The following CLASRP variants were observed in gnomAD, a reference collection of about 807,000 sequenced individuals.
CLASRP encodes CLK4-associating serine/arginine rich protein.
In CLASRP, 52 loss-of-function variants were observed where a neutral mutation model predicts 99.9. That is an observed-to-expected ratio of 0.52 (90% CI 0.42 to 0.66). The LOEUF (loss-of-function observed/expected upper bound fraction) is 0.66, where lower values mean the gene tolerates loss of function less well. Among genes scored for constraint, CLASRP ranks in the 30% least tolerant of loss-of-function variants. The pLI, the probability that CLASRP is intolerant of heterozygous loss-of-function variation, is 0.00. For synonymous variants in CLASRP, 379 were observed against 373.0 expected (o/e 1.02, Z -0.18); for missense variants, 848 against 999.2 (o/e 0.85, Z 2.04).
intron 5 of CLASRP, among the ~76,000 whole-genome samples, chr19:45,054,790 G>T (rs967895119): frequency 1.3e-5 from 2 of 152,164 alleles, no homozygotes; most frequent in Non-Finnish European, 2.9e-5. Flanking sequence ...AAGGGTGGTG[G>T]TGTTGATTTT....
At chr19:45,054,244 G>A (rs1972079805) in intron 5 of CLASRP, among the ~76,000 whole-genome samples, 1 of 151,978 alleles carries the variant, frequency 6.6e-6, no homozygotes, top group South Asian at 2.1e-4. Context: ...GTGACACCCC[G>A]TTTTGGGGTT....
Position 45,070,889 on chromosome 19 carries a change from G to T in CLASRP, c.*44G>T, listed in dbSNP as rs368527544. The T allele has an allele frequency of 9.5e-6, 11 of 1,158,900 alleles. No individual in the cohort carries two copies. The African/African-American group carries it at 1.7e-4, about 18-fold the overall frequency. The allele number at this position is 1,158,900 out of a possible 1,614,324, so 71.8% of individuals were successfully genotyped here. On this transcript the variant is annotated 3_prime_UTR_variant, in exon 21 of 21. Transcript: ENST00000221455. ...GGGAGGACAAGGGGGTGGGTAAGGG[G>T]CTCAAGCTGTGATGCTGCTGGTTTT...
rs865988597 is a variant in CLASRP at position 45,060,587 on chromosome 19, C to T, written c.823C>T (p.Arg275Trp). ...CTCTCGACGCCAGCGGAGAGAGTTT[C>T]GGGAGAAGCGGCTGAGGGGTCGCAA... ...RRSRRQRREF[R>W]EKRLRGRKIS... Residue 275 changes from arginine to tryptophan, a missense_variant, in exon 10 of 21, where the codon CGG becomes TGG. By Grantham distance (101) the Arg-to-Trp change is moderately radical. Around this residue, in one of 8 missense-constraint regions of CLASRP, gnomAD observed 9 missense variants for 28.5 expected, o/e 0.32. Transcript: ENST00000221455. This position sits in a 1 kb window ranked among gnomAD's most constrained non-coding sequence, Gnocchi z 4.6. 1 of 1,611,466 alleles carries T rather than the reference C, an allele frequency of 6.2e-7. No homozygotes were observed. The highest frequency in any genetic ancestry group is 8.5e-7 in the Non-Finnish European group (1 of 1,179,278).
chr19:45,058,013 C>A, intron 7 of CLASRP, 115 bp downstream of exon 7: 2 of 1,369,016 alleles, frequency 1.5e-6, no homozygotes, highest in East Asian at 2.5e-5. Flanking sequence ...TCTCCCTACC[C>A]CGCCCCAGGG....
At position 45,053,136 on chromosome 19, in the gene CLASRP, A is replaced by G; in HGVS notation, c.338A>G (p.Tyr113Cys). The change falls in exon 5 of 21, where the codon TAC (tyrosine) becomes TGC (cysteine). Residue 113 changes from tyrosine to cysteine, a missense_variant. Tyr to Cys is a radical substitution (Grantham distance 194). This residue lies in a region of CLASRP where 54 missense variants were observed against 38.7 expected (regional missense o/e 1.39). Transcript: ENST00000221455. ...GAGTCGGACGAACGGAAGTGTAACT[A>G]CGAGCGCTACAGAGGCCTGGTGCAG... is the stretch of plus-strand genomic sequence containing the variant. ...EQESDERKCN[Y>C]ERYRGLVQND... is the part of the protein sequence containing the mutation. The G allele has an allele frequency of 6.2e-7, 1 of 1,613,878 alleles. No individual in the cohort carries two copies. The highest frequency in any genetic ancestry group is 8.5e-7 in the Non-Finnish European group (1 of 1,179,972).
In CLASRP at chr19:45,067,604, G is replaced by T; in HGVS notation, c.1667+10G>T. 1 of 1,585,836 alleles carries T rather than the reference G, an allele frequency of 6.3e-7. No individual in the cohort carries two copies. ...GCGAGAAGCTGAAAAAGTGAGCGGG[G>T]CGGGTCTGGAGGAAGAGGGCTGCCA... is the stretch of plus-strand genomic sequence containing the variant. On this transcript the variant is annotated intron_variant, in intron 14 of 20. Coordinates refer to ENST00000221455, the MANE Select transcript of CLASRP (RefSeq NM_007056.3). The surrounding 1 kb of genome is among the most constrained non-coding windows in gnomAD (Gnocchi z 4.9).
At chr19:45,069,379 C>G (rs549229784) in intron 18 of CLASRP, 131 bp downstream of exon 18, 2 of 910,744 alleles carry the variant, frequency 2.2e-6, no homozygotes, top group Non-Finnish European at 3.4e-6. Flanking sequence ...CTGCCTGGCC[C>G]TCGGGGCTGT....
chr19:45,064,619 G>T lies in CLASRP; in HGVS notation c.1398G>T (p.Arg466=). ...CCCGGCGTGGTGGTTACGGGCCCCG[G>T]CGCAGAAGCAGGTGTGTGTGGCTGG... The part of the protein sequence containing the change: ...SPARRGGYGP[R]RRSRSRSHSG... Residue 466 remains arginine, a synonymous_variant, in exon 13 of 21, where the codon CGG becomes CGT. Coordinates refer to ENST00000221455, the MANE Select transcript of CLASRP (RefSeq NM_007056.3). The T allele has an allele frequency of 6.4e-7, 1 of 1,551,980 alleles. No individual in the cohort carries two copies.
intron 2 of CLASRP, among the ~76,000 whole-genome samples, chr19:45,050,249 GGAGGCAGAGCCCAGCC>G: frequency 6.6e-5 from 10 of 152,094 alleles, no homozygotes; most frequent in Admixed American, 1.3e-4. Flanking sequence ...CAAATCTCCT[GGAGGCAGAGCCCAGCC>G]TGGACCAGAC....
rs749816619 is a variant in CLASRP, at chr19:45,057,706, TCTC to T, written c.465-42_465-40del. The T allele has an allele frequency of 3.7e-6, 6 of 1,609,532 alleles. No homozygotes were observed. In the African/African-American group the frequency reaches 8.0e-5, roughly 21 times the overall value. On this transcript the variant is annotated intron_variant, in intron 6 of 20. Coordinates refer to ENST00000221455, the MANE Select transcript of CLASRP (RefSeq NM_007056.3). The stretch of plus-strand genomic sequence containing the variant: ...GTGTGGGGCTAGCCTGGGGCCCTCA[TCTC>T]CACTGGGCACGGCCCTGGCTTACCA...
chr19:45,060,741 C>T lies in CLASRP; in HGVS notation c.863+114C>T. ...CATTTGACTTGAGAAAGGAGTCTTT[C>T]TAGTGGGGCGATGCATGGCCATCGT... is the stretch of plus-strand genomic sequence containing the variant. On this transcript the variant is annotated intron_variant, in intron 10 of 20. Coordinates refer to ENST00000221455, the MANE Select transcript of CLASRP (RefSeq NM_007056.3). This position sits in a 1 kb window ranked among gnomAD's most constrained non-coding sequence, Gnocchi z 4.6. The T allele has an allele frequency of 2.4e-6, 2 of 823,390 alleles. No individual in the cohort carries two copies. The highest frequency in any genetic ancestry group is 5.7e-5 in the Admixed American group (2 of 34,938). 51.0% of individuals were successfully genotyped at this position (823,390 alleles called of 1,614,324 possible). A position where few individuals can be genotyped will look rare whatever the true frequency, so the allele number is the denominator to read the frequency against.
intron 11 of CLASRP, 140 bp from the exon 12 acceptor site, chr19:45,063,872 G>T: frequency 8.6e-7 from 1 of 1,164,856 alleles, no homozygotes; most frequent in Non-Finnish European, 1.2e-6. Context: ...GGTCTCCACT[G>T]CCCTCCAGGC....
Position 45,046,060 on chromosome 19 carries a change from G to A in CLASRP, c.99+5749G>A, listed in dbSNP as rs184075934. On this transcript the variant is annotated intron_variant, in intron 2 of 20. Transcript: ENST00000221455. ...CTTTGTGGTGCAGGCCTGTACAAGC[G>A]GCCTTTGTCCCTGTATGTGAACGTG... 9.1e-4 allele frequency among the ~76,000 whole-genome samples: 138 copies of A among 152,260 alleles called. 1 individual carries two copies. The highest frequency in any genetic ancestry group is 3.2e-3 in the African/African-American group (134 of 41,554).
At chr19:45,041,313 T>G (rs1347078744) in intron 2 of CLASRP, among the ~76,000 whole-genome samples, 1 of 151,964 alleles carries the variant, frequency 6.6e-6, no homozygotes, top group Non-Finnish European at 1.5e-5. Context: ...GTCTGATGCT[T>G]CAGTTGTTTT....
At chr19:45,042,897 G>A (rs1377837188) in intron 2 of CLASRP, among the ~76,000 whole-genome samples, 3 of 152,092 alleles carry the variant, frequency 2.0e-5, no homozygotes, top group East Asian at 1.9e-4. Context: ...GATTACAGGC[G>A]TGAGCCACCA....
intron 16 of CLASRP, 23 bp from the exon 17 acceptor site, chr19:45,069,043 C>G (rs1422627867): frequency 9.3e-6 from 15 of 1,611,832 alleles, no homozygotes; most frequent in African/African-American, 1.3e-5. Flanking sequence ...ACCCCTCAGC[C>G]ACCCTGTTCT....
chr19:45,066,231 C>CG (rs2122605682), intron 13 of CLASRP, among the ~76,000 whole-genome samples: 1 of 151,976 alleles, frequency 6.6e-6, no homozygotes, highest in East Asian at 2.0e-4. Flanking sequence ...GTGATTCTCC[C>CG]GCCGCAGCCT....
Position 45,067,964 on chromosome 19 carries a change from A to C in CLASRP, c.1668-51A>C. On this transcript the variant is annotated intron_variant, in intron 14 of 20. Coordinates refer to ENST00000221455, the MANE Select transcript of CLASRP (RefSeq NM_007056.3). The surrounding 1 kb of genome is among the most constrained non-coding windows in gnomAD (Gnocchi z 4.9). ...TGCTGAGGCTGGGGTCAGAGGTGGC[A>C]GCTGCCCTTTCCCCCTCCCAACCAT... 7.3e-7 allele frequency: 1 copy of C among 1,372,082 alleles called. No individual in the cohort carries two copies. Among genetic ancestry groups the C allele is most frequent in the African/African-American group, 1.4e-5 (1 of 70,394 alleles). The allele number at this position is 1,372,082 out of a possible 1,614,324, so 85.0% of individuals were successfully genotyped here. A position where few individuals can be genotyped will look rare whatever the true frequency, so the allele number is the denominator to read the frequency against.
chr19:45,051,930 T>G, intron 2 of CLASRP, 141 bp from the exon 3 acceptor site: 1 of 639,636 alleles, frequency 1.6e-6, no homozygotes, highest in East Asian at 2.7e-5. Context: ...ACAGCACCAT[T>G]GCACTCCAGC....
Sources: gnomAD v4.1 joint callset for allele counts (sites outside exome capture counted in the v4.1 genomes callset) on GRCh38, gnomAD v4.1.1 for gene constraint, gnomAD v4.1.1 regional missense constraint, Gnocchi (gnomAD v3.1) non-coding constraint, MANE v1.5 for transcripts, NCBI Gene and HGNC (gene_info 2026-07-23, HGNC 2026-07-21) for gene names.